The following OPRM1 variants were observed in gnomAD, a reference collection of about 807,000 sequenced individuals.
OPRM1 encodes the protein mu-type opioid receptor.
In OPRM1, 27 loss-of-function variants were observed where a neutral mutation model predicts 31.8. The ratio of observed to expected loss-of-function variants is 0.85; its 90% CI spans 0.63 to 1.17. The LOEUF (loss-of-function observed/expected upper bound fraction) is 1.17. OPRM1 is among the 50% of genes most tolerant of loss of function. The pLI is 0.00. For synonymous variants in OPRM1, 196 were observed against 189.9 expected (o/e 1.03, Z -0.26); for missense variants, 536 against 511.1 (o/e 1.05, Z -0.47).
intron 3 of OPRM1, among the ~76,000 whole-genome samples, chr6:154,242,666 C>T (rs1253875527): frequency 6.6e-6 from 1 of 152,146 alleles, no homozygotes; most frequent in African/African-American, 2.4e-5. Flanking sequence ...GCAGGTGGAT[C>T]ACTTGAGGTC....
At chr6:154,049,910 G>A (rs2128414022) in intron 1 of OPRM1, among the ~76,000 whole-genome samples, 1 of 152,284 alleles carries the variant, frequency 6.6e-6, no homozygotes, top group Non-Finnish European at 1.5e-5. Context: ...CTGTTTGCTA[G>A]TATTATGTTG....
At chr6:154,045,378 C>T (rs1480905945) in intron 1 of OPRM1, among the ~76,000 whole-genome samples, 1 of 152,186 alleles carries the variant, frequency 6.6e-6, no homozygotes, top group Non-Finnish European at 1.5e-5. Flanking sequence ...CAGCAGTCTT[C>T]AAACTTGTTT....
intron 1 of OPRM1, among the ~76,000 whole-genome samples, chr6:154,031,602 A>G (rs1200694660): frequency 6.6e-6 from 1 of 151,990 alleles, no homozygotes; most frequent in East Asian, 1.9e-4. Context: ...TTAGCTGGGC[A>G]TAGTCGTGCA....
chr6:154,093,166 A>T lies in OPRM1; in HGVS notation c.1164+1694A>T, dbSNP rs540729791. Reference sequence around the variant, plus strand: ...AACATGTTAAAGATTGCAACTTAAAATGCCTAGTCCTCAGCTAAGGATAAA... The same window carrying T: ...AACATGTTAAAGATTGCAACTTAAATTGCCTAGTCCTCAGCTAAGGATAAA... On this transcript the variant is annotated intron_variant, in intron 3 of 3. Coordinates refer to ENST00000330432, the MANE Select transcript of OPRM1 (RefSeq NM_000914.5). 4.6e-5 allele frequency: 43 copies of T among 928,126 alleles called. No individual in the cohort carries two copies. In the African/African-American group the frequency reaches 6.7e-4, roughly 15 times the overall value. 57.5% of individuals were successfully genotyped at this position (928,126 alleles called of 1,614,324 possible).
intron 1 of OPRM1, among the ~76,000 whole-genome samples, chr6:154,019,747 C>CTTTTCTTTTTTTTTTTTTTTTT (rs61209522): frequency 8.2e-6 from 1 of 122,014 alleles, no homozygotes; most frequent in African/African-American, 3.4e-5. Flanking sequence ...CTTTTCTTTT[C>CTTTTCTTTTTTTTTTTTTTTTT]TTTTTTTTTT....
At chr6:154,109,298 G>A (rs1239316493) in intron 3 of OPRM1, among the ~76,000 whole-genome samples, 1 of 152,108 alleles carries the variant, frequency 6.6e-6, no homozygotes, top group Non-Finnish European at 1.5e-5. Context: ...AAAGCCAATG[G>A]GTAGAGGTTA....
intron 3 of OPRM1, chr6:154,109,160 G>A (rs1796033511): frequency 2.3e-6 from 1 of 436,768 alleles, no homozygotes; most frequent in East Asian, 1.6e-4. Context: ...AGATGGCAGA[G>A]GGAATTAAAA....
At chr6:154,092,488 T>C (rs960759937) in intron 3 of OPRM1, among the ~76,000 whole-genome samples, 1 of 152,250 alleles carries the variant, frequency 6.6e-6, no homozygotes. Context: ...AGTCAGAATC[T>C]TGGCTAAAGT....
intron 3 of OPRM1, among the ~76,000 whole-genome samples, chr6:154,160,783 T>C (rs1798945821): frequency 6.6e-6 from 1 of 152,226 alleles, no homozygotes; most frequent in Non-Finnish European, 1.5e-5. Context: ...GTATCTCAAA[T>C]CTATGCCTGT....
At chr6:154,036,306 A>T (rs1273401516), upstream of OPRM1, among the ~76,000 whole-genome samples, 3 of 152,094 alleles carry the variant, frequency 2.0e-5, no homozygotes, top group African/African-American at 7.2e-5. Context: ...AGATACCAAG[A>T]TATAAATGTT....
intron 1 of OPRM1, among the ~76,000 whole-genome samples, chr6:154,032,623 G>C (rs956085145): frequency 2.0e-5 from 3 of 152,034 alleles, no homozygotes; most frequent in Non-Finnish European, 4.4e-5. Flanking sequence ...TTGTAGAGAT[G>C]GGATTCTGCT....
intron 3 of OPRM1, among the ~76,000 whole-genome samples, chr6:154,142,903 A>G (rs1219840814): frequency 1.3e-5 from 2 of 152,146 alleles, no homozygotes; most frequent in Non-Finnish European, 2.9e-5. Flanking sequence ...ATGCAGCCTC[A>G]TCTGAGGTTC....
intron 3 of OPRM1, among the ~76,000 whole-genome samples, chr6:154,111,533 A>G (rs1422826277): frequency 6.6e-6 from 1 of 152,192 alleles, no homozygotes. Context: ...GTTTGCTTCC[A>G]TAGATTGACA....
intron 3 of OPRM1, among the ~76,000 whole-genome samples, chr6:154,232,432 C>A (rs369006668): frequency 6.6e-6 from 1 of 152,090 alleles, no homozygotes; most frequent in African/African-American, 2.4e-5. Flanking sequence ...ATGATCACAG[C>A]CTTAAGAGGA....
intron 3 of OPRM1, among the ~76,000 whole-genome samples, chr6:154,175,560 T>C (rs1397491440): frequency 6.6e-6 from 1 of 151,842 alleles, no homozygotes; most frequent in African/African-American, 2.4e-5. Flanking sequence ...ACAAATAAAC[T>C]AGAAAATCTA....
intron 1 of OPRM1, among the ~76,000 whole-genome samples, chr6:154,078,809 T>C (rs1359108046): frequency 6.6e-6 from 1 of 151,648 alleles, no homozygotes; most frequent in African/African-American, 2.4e-5. Context: ...ACAGAGGAGG[T>C]CAAAGCTGCA....
chr6:154,226,321 A>G (rs1486903476), intron 3 of OPRM1, among the ~76,000 whole-genome samples: 1 of 152,214 alleles, frequency 6.6e-6, no homozygotes, highest in Non-Finnish European at 1.5e-5. Flanking sequence ...ACTGCCTAGT[A>G]AGCCTATTCC....
At chr6:154,238,489 C>T (rs1042175940) in intron 3 of OPRM1, among the ~76,000 whole-genome samples, 1 of 152,190 alleles carries the variant, frequency 6.6e-6, no homozygotes, top group Admixed American at 6.5e-5. Flanking sequence ...TGGTCTCAAA[C>T]TCCCGACCTC....
At chr6:154,170,043 A>G (rs1232877715) in intron 3 of OPRM1, among the ~76,000 whole-genome samples, 4 of 152,124 alleles carry the variant, frequency 2.6e-5, no homozygotes, top group Non-Finnish European at 4.4e-5. Context: ...TATGTTACCC[A>G]TGTTAAGCTA....
Sources: gnomAD v4.1 joint callset for allele counts (sites outside exome capture counted in the v4.1 genomes callset) on GRCh38, gnomAD v4.1.1 for gene constraint, MANE v1.5 for transcripts, NCBI Gene and HGNC (gene_info 2026-07-23, HGNC 2026-07-21) for gene names.